Variants in PKIB observed in about 807,000 individuals in gnomAD.
The protein encoded by PKIB is cAMP-dependent protein kinase inhibitor beta, also known as PKI-beta.
Under a neutral mutation model 4.5 loss-of-function variants are expected in PKIB, and 2 were observed. The observed-to-expected ratio is 0.44, with a 90% CI of 0.18 to 1.39. The LOEUF is 1.39. Among genes scored for constraint, PKIB ranks in the 40% most tolerant of loss-of-function variants. The probability of loss-of-function intolerance (pLI) is 0.27; values close to 1 mark genes in which losing one functional copy is unlikely to be tolerated. For synonymous variants in PKIB, 38 were observed against 36.0 expected, an observed-to-expected ratio of 1.06 and a Z score of -0.20; for missense variants, 94 against 92.6, an observed-to-expected ratio of 1.02 and a Z score of -0.06.
intron 2 of PKIB, among the ~76,000 whole-genome samples, chr6:122,578,000 G>GTT (rs1281439256): frequency 6.8e-6 from 1 of 147,806 alleles, no homozygotes; most frequent in Non-Finnish European, 1.5e-5. Flanking sequence ...AGTTAGAGGA[G>GTT]TTTTTTTTTT....
intron 2 of PKIB, among the ~76,000 whole-genome samples, chr6:122,508,150 AT>A (rs1239563775): frequency 1.3e-5 from 2 of 152,142 alleles, no homozygotes; most frequent in Non-Finnish European, 2.9e-5. Context: ...TCTGTTTTTA[AT>A]TTTTGTGGAA....
At chr6:122,704,325 A>G (rs773851594) in intron 3 of PKIB, among the ~76,000 whole-genome samples, 7 of 152,142 alleles carry the variant, frequency 4.6e-5, no homozygotes, top group African/African-American at 9.7e-5. Flanking sequence ...ACCCCGAGAA[A>G]TGGTTAACCA....
At chr6:122,537,921 A>G (rs1777457356) in intron 2 of PKIB, among the ~76,000 whole-genome samples, 1 of 151,918 alleles carries the variant, frequency 6.6e-6, no homozygotes, top group Admixed American at 6.6e-5. Context: ...CATTTCTCTG[A>G]TGGCCAGTGA....
At chr6:122,472,460 T>A (rs1775331753) in intron 1 of PKIB, among the ~76,000 whole-genome samples, 1 of 152,180 alleles carries the variant, frequency 6.6e-6, no homozygotes, top group South Asian at 2.1e-4. Flanking sequence ...AAACATTGAT[T>A]TCGAATGTCA....
intron 2 of PKIB, among the ~76,000 whole-genome samples, chr6:122,520,661 T>TTCTCCC (rs1562237597): frequency 3.6e-5 from 2 of 55,542 alleles, no homozygotes; most frequent in African/African-American, 6.0e-5. Context: ...AAGTTTATGT[T>TTCTCCC]CCCACCCCCC....
At chr6:122,538,143 A>T (rs1562243411) in intron 2 of PKIB, among the ~76,000 whole-genome samples, 1 of 151,910 alleles carries the variant, frequency 6.6e-6, no homozygotes, top group Non-Finnish European at 1.5e-5. Context: ...GTTCACTCTG[A>T]TGGTAGTTTC....
chr6:122,674,150 A>T (rs1442337074), intron 2 of PKIB, among the ~76,000 whole-genome samples: 1 of 152,112 alleles, frequency 6.6e-6, no homozygotes, highest in East Asian at 1.9e-4. Context: ...TAGTTCTTGG[A>T]GGGCACCATG....
At chr6:122,544,650 A>G (rs1346934675) in intron 2 of PKIB, among the ~76,000 whole-genome samples, 1 of 152,030 alleles carries the variant, frequency 6.6e-6, no homozygotes, top group Non-Finnish European at 1.5e-5. Flanking sequence ...ATCTGAATGG[A>G]CTACCAGCTT....
chr6:122,547,410 A>G (rs1772527562), intron 2 of PKIB, among the ~76,000 whole-genome samples: 1 of 152,004 alleles, frequency 6.6e-6, no homozygotes. Flanking sequence ...ATCTCAGCTC[A>G]CTGCAACCTC....
intron 2 of PKIB, among the ~76,000 whole-genome samples, chr6:122,568,247 A>G (rs1337293175): frequency 6.6e-6 from 1 of 152,236 alleles, no homozygotes; most frequent in African/African-American, 2.4e-5. Context: ...TACATTCTGG[A>G]CAGAATAGTG....
chr6:122,625,569 C>T (rs558049415), intron 1 of PKIB, among the ~76,000 whole-genome samples: 4 of 152,108 alleles, frequency 2.6e-5, no homozygotes, highest in East Asian at 1.9e-4. Context: ...ACCTGAGAGG[C>T]GGAGGTTGCA....
chr6:122,607,570 G>A (rs903708633), upstream of PKIB, among the ~76,000 whole-genome samples: 2 of 152,042 alleles, frequency 1.3e-5, no homozygotes, highest in East Asian at 1.9e-4. Context: ...ATAGACCCAC[G>A]AAGCCAGCCC....
chr6:122,703,348 C>G (rs1189012240), intron 3 of PKIB, among the ~76,000 whole-genome samples: 1 of 151,986 alleles, frequency 6.6e-6, no homozygotes, highest in Non-Finnish European at 1.5e-5. Context: ...GTTAAGCAAA[C>G]ACAGCAGGAA....
At chr6:122,605,396 CT>C (rs1488997496), upstream of PKIB, among the ~76,000 whole-genome samples, 2 of 152,194 alleles carry the variant, frequency 1.3e-5, no homozygotes, top group Non-Finnish European at 2.9e-5. Flanking sequence ...CTGGCAGCTA[CT>C]TGAATATTCC....
chr6:122,501,608 G>C (rs112536940), intron 2 of PKIB, among the ~76,000 whole-genome samples: 2 of 152,160 alleles, frequency 1.3e-5, no homozygotes, highest in African/African-American at 4.8e-5. Context: ...TGGGATGCAG[G>C]GTGCCATGTC....
chr6:122,571,791 T>C (rs1446179189), intron 2 of PKIB, among the ~76,000 whole-genome samples: 1 of 152,178 alleles, frequency 6.6e-6, no homozygotes, highest in African/African-American at 2.4e-5. Context: ...CCTTAAAGCA[T>C]AAATCTCACA....
At chr6:122,518,716 C>G (rs966865239) in intron 2 of PKIB, among the ~76,000 whole-genome samples, 18 of 151,928 alleles carry the variant, frequency 1.2e-4, no homozygotes, top group African/African-American at 4.4e-4. Context: ...CATCATGACC[C>G]CTTTTAGACC....
intron 3 of PKIB, among the ~76,000 whole-genome samples, chr6:122,707,655 A>G (rs988619183): frequency 6.6e-6 from 1 of 152,094 alleles, no homozygotes; most frequent in Non-Finnish European, 1.5e-5. Flanking sequence ...ATTCAAGAAA[A>G]TTTTATTTTT....
intron 2 of PKIB, among the ~76,000 whole-genome samples, chr6:122,503,411 T>A (rs955587912): frequency 1.3e-5 from 2 of 152,256 alleles, no homozygotes; most frequent in Non-Finnish European, 2.9e-5. Flanking sequence ...TAAAAATTTA[T>A]GTAAATATTT....
Sources: allele counts gnomAD v4.1 joint callset (sites outside exome capture counted in the v4.1 genomes callset), GRCh38; gene constraint gnomAD v4.1.1; transcripts MANE v1.5; gene names NCBI Gene and HGNC (gene_info 2026-07-23, HGNC 2026-07-21).